The following DRGX variants were observed in gnomAD, a reference collection of about 807,000 sequenced individuals.
DRGX encodes dorsal root ganglia homeobox.
Under a neutral mutation model 28.6 loss-of-function variants are expected in DRGX, and 21 were observed. That is an observed-to-expected ratio of 0.73 (90% confidence interval 0.52 to 1.06). The LOEUF is 1.06. Ranked by LOEUF, DRGX falls within the 50% of genes least tolerant of loss-of-function variation. The pLI is 0.00. For synonymous variants in DRGX, 136 were observed against 139.1 expected (o/e 0.98, Z 0.16); for missense variants, 354 against 343.9 (o/e 1.03, Z -0.23).
chr10:49,386,701 T>C lies in DRGX; in HGVS notation c.392A>G (p.Glu131Gly). ...TCACCTCTGCTGGGCCTCCAGCGCC[T>C]CCTTCTTACTCCGGGCTTGGTCCCC... is the stretch of plus-strand genomic sequence containing the variant. ...PPGDQARSKK[E>G]ALEAQQSLGR... Residue 131 changes from glutamate (E) to glycine (G), a missense_variant, in exon 5 of 7, where the codon GAG (glutamate) becomes GGG (glycine). By Grantham distance (98) the Glu-to-Gly change is moderately conservative. Transcript: ENST00000374139. 6.3e-7 allele frequency: 1 copy of C among 1,583,522 alleles called. No individual in the cohort carries two copies. Among genetic ancestry groups the C allele is most frequent in the Non-Finnish European group, 8.6e-7 (1 of 1,166,158 alleles).
rs920626572 is a variant in DRGX, at chr10:49,391,038, A to T, written c.132+126T>A. 37 of 1,104,362 alleles carry T rather than the reference A, an allele frequency of 3.4e-5. No individual in the cohort carries two copies. The Admixed American group carries it at 6.0e-4, about 18-fold the overall frequency. The allele number at this position is 1,104,362 out of a possible 1,614,324, so 68.4% of individuals were successfully genotyped here. A position where few individuals can be genotyped will look rare whatever the true frequency, so the allele number is the denominator to read the frequency against. Reference sequence around the variant, plus strand: ...TTCCATGGCACATAAGTTGTTCAAGAAAACAGAAAGATTCAGTTAGCATAA... The same window carrying T: ...TTCCATGGCACATAAGTTGTTCAAGTAAACAGAAAGATTCAGTTAGCATAA... On this transcript the variant is annotated intron_variant, in intron 3 of 6. Transcript: ENST00000374139.
At position 49,365,261 on chromosome 10, in the gene DRGX, TCTCCAA is replaced by T. The variant is rs1849585983; in HGVS notation, c.*849_*854del. 4 of 152,242 alleles carry T rather than the reference TCTCCAA, an allele frequency of 2.6e-5. No individual in the cohort carries two copies. The highest frequency in any genetic ancestry group is 1.5e-5 in the Non-Finnish European group (1 of 68,070). 9.4% of individuals were successfully genotyped at this position (152,242 alleles called of 1,614,324 possible). A position where few individuals can be genotyped will look rare whatever the true frequency, so the allele number is the denominator to read the frequency against. On this transcript the variant is annotated 3_prime_UTR_variant, in exon 7 of 7. Coordinates refer to ENST00000374139, the MANE Select transcript of DRGX (RefSeq NM_001276451.2). ...AGGCATTCCTGAAGGGCTTCTTCCC[TCTCCAA>T]GGGCCCTCAGGCCCTCCTGGACCAG...
chr10:49,386,891 A>T, intron 4 of DRGX, 33 bp from the exon 5 acceptor site: 3 of 1,515,548 alleles, frequency 2.0e-6, no homozygotes, highest in Non-Finnish European at 2.6e-6. Flanking sequence ...CACCCAGTGA[A>T]AATCAAACAG....
At chr10:49,384,014 T>G (rs924966404) in intron 6 of DRGX, among the ~76,000 whole-genome samples, 3 of 152,238 alleles carry the variant, frequency 2.0e-5, no homozygotes, top group Non-Finnish European at 4.4e-5. Flanking sequence ...GCAGCCACAA[T>G]CAGCTGGCTG....
rs148067586 is a variant in DRGX at position 49,388,530 on chromosome 10, T to C, written c.234+1603A>G. Among the ~76,000 whole-genome samples the C allele has an allele frequency of 5.2e-3, 798 of 152,380 alleles. 4 individuals are homozygous for C. The highest frequency in any genetic ancestry group is 9.0e-3 in the Non-Finnish European group (614 of 68,040). On this transcript the variant is annotated intron_variant, in intron 4 of 6. Transcript: ENST00000374139. The stretch of plus-strand genomic sequence containing the variant: ...ATCAGCAACCATTGAATAATGATTT[T>C]ATCTATATTCTAAATTTAGGGCAGT...
intron 2 of DRGX, 148 bp downstream of exon 2, chr10:49,395,259 G>A (rs1235931543): frequency 6.6e-6 from 6 of 909,936 alleles, no homozygotes; most frequent in South Asian, 3.2e-5. Context: ...GGGGTGTAGG[G>A]AGGGGTCCAG....
intron 6 of DRGX, among the ~76,000 whole-genome samples, chr10:49,382,913 C>T (rs1849792822): frequency 6.6e-6 from 1 of 152,192 alleles, no homozygotes; most frequent in Non-Finnish European, 1.5e-5. Flanking sequence ...TGTGTGTGTC[C>T]CACCTGCTGG....
At chr10:49,375,403 C>T (rs1027104587) in intron 6 of DRGX, among the ~76,000 whole-genome samples, 7 of 152,178 alleles carry the variant, frequency 4.6e-5, no homozygotes, top group Non-Finnish European at 1.0e-4. Flanking sequence ...CGAGTTGGCA[C>T]ATTTTAGTTC....
chr10:49,371,432 C>T (rs1306200243), intron 6 of DRGX, among the ~76,000 whole-genome samples: 1 of 152,100 alleles, frequency 6.6e-6, no homozygotes, highest in East Asian at 1.9e-4. Flanking sequence ...GTGGGTGGAT[C>T]GCTTGAGCCC....
At chr10:49,393,189 C>G (rs917518127) in intron 2 of DRGX, among the ~76,000 whole-genome samples, 3 of 152,078 alleles carry the variant, frequency 2.0e-5, no homozygotes, top group Admixed American at 1.3e-4. Context: ...CAATGGAATA[C>G]TACACAGCAG....
rs1405147682 is a variant in DRGX, at chr10:49,390,163, C to T, written c.204G>A (p.Met68Ile). Reference sequence around the variant, plus strand: ...CTCTGGCTTCTGTGAGGTTTATTTTCATGGCGAGCTCTTCTCTGGTGAAGA... The same window carrying T: ...CTCTGGCTTCTGTGAGGTTTATTTTTATGGCGAGCTCTTCTCTGGTGAAGA... ...PDVFTREELAMKINLTEARVQ... is the reference protein window; with the variant it reads ...PDVFTREELAIKINLTEARVQ... Residue 68 changes from methionine to isoleucine, a missense_variant, in exon 4 of 7, where the codon ATG (methionine) becomes ATA (isoleucine). Physicochemically the swap from Met to Ile is conservative, Grantham distance 10. Coordinates refer to ENST00000374139, the MANE Select transcript of DRGX (RefSeq NM_001276451.2). 6.2e-7 allele frequency: 1 copy of T among 1,612,656 alleles called. No individual in the cohort carries two copies. The highest frequency in any genetic ancestry group is 2.2e-5 in the East Asian group (1 of 44,882).
At chr10:49,389,518 G>T (rs1352414655) in intron 4 of DRGX, among the ~76,000 whole-genome samples, 2 of 152,186 alleles carry the variant, frequency 1.3e-5, no homozygotes, top group Admixed American at 6.5e-5. Flanking sequence ...CGGCGGGCAG[G>T]TTTGTGTGCC....
intron 6 of DRGX, among the ~76,000 whole-genome samples, chr10:49,382,135 CATT>C (rs1849782985): frequency 1.3e-5 from 2 of 152,066 alleles, no homozygotes; most frequent in Non-Finnish European, 2.9e-5. Context: ...CAAGGCCTCT[CATT>C]GTCCCCCAAC....
At position 49,386,547 on chromosome 10, in the gene DRGX, A is replaced by G. The variant is rs757777860; in HGVS notation, c.457T>C (p.Cys153Arg). 3 of 1,590,458 alleles carry G rather than the reference A, an allele frequency of 1.9e-6. No individual in the cohort carries two copies. The highest frequency in any genetic ancestry group is 2.6e-6 in the Non-Finnish European group (3 of 1,168,390). The change falls in exon 6 of 7, where the codon TGC (cysteine) becomes CGC (arginine). Residue 153 changes from cysteine (C) to arginine (R), a missense_variant. Coordinates refer to ENST00000374139, the MANE Select transcript of DRGX (RefSeq NM_001276451.2). The part of the protein sequence containing the change: ...VGPAGPFFPS[C>R]LPGTLLNTAT... ...GTGTTCAGGAGAGTCCCCGGCAAGC[A>G]GGAGGGGAAGAAAGGCCCTGCAGGA...
At chr10:49,386,885 C>A (rs934725469) in intron 4 of DRGX, 27 bp from the exon 5 acceptor site, 1 of 1,517,298 alleles carries the variant, frequency 6.6e-7, no homozygotes, top group Non-Finnish European at 8.8e-7. Context: ...AACATACACC[C>A]AGTGAAAATC....
chr10:49,381,536 A>G (rs922383401), intron 6 of DRGX, among the ~76,000 whole-genome samples: 1 of 152,168 alleles, frequency 6.6e-6, no homozygotes, highest in African/African-American at 2.4e-5. Context: ...GGCTCTCTCA[A>G]TATGTGCAAG....
chr10:49,381,160 G>C (rs117463916), intron 6 of DRGX, among the ~76,000 whole-genome samples: 1,735 of 152,354 alleles, frequency 0.011, 17 homozygotes, highest in Non-Finnish European at 0.021. Context: ...CCCCGCAAGA[G>C]CCTGGTTTCT....
intron 6 of DRGX, among the ~76,000 whole-genome samples, chr10:49,383,562 C>T (rs903444529): frequency 2.6e-5 from 4 of 152,350 alleles, no homozygotes; most frequent in Middle Eastern, 6.8e-3. Context: ...TTGGAGGCAA[C>T]ATTTAAAAGA....
chr10:49,366,433 A>G (rs1231492573), intron 6 of DRGX, 52 bp from the exon 7 acceptor site: 12 of 1,537,186 alleles, frequency 7.8e-6, no homozygotes, highest in African/African-American at 1.4e-5. Flanking sequence ...TCTGCCTCTC[A>G]GGGCTGGGTG....
Sources: gnomAD v4.1 joint callset for allele counts (sites outside exome capture counted in the v4.1 genomes callset) on GRCh38, gnomAD v4.1.1 for gene constraint, MANE v1.5 for transcripts, NCBI Gene and HGNC (gene_info 2026-07-23, HGNC 2026-07-21) for gene names.